The following EPB41L3 variants were observed in gnomAD, a reference collection of about 807,000 sequenced individuals.
EPB41L3 encodes the protein erythrocyte membrane protein band 4.1 like 3, also known as band 4.1-like protein 3.
A neutral mutation model predicts 127.1 loss-of-function variants in EPB41L3; 57 were observed. The ratio of observed to expected loss-of-function variants is 0.45; its 90% confidence interval spans 0.36 to 0.56. The LOEUF (loss-of-function observed/expected upper bound fraction) is 0.56. EPB41L3 is among the 20% of genes least tolerant of loss of function. The pLI is 0.00. For missense variants in EPB41L3, 1,273 were observed against 1,372.2 expected (o/e 0.93, Z 1.14); for synonymous variants, 572 against 549.5 (o/e 1.04, Z -0.57).
intron 3 of EPB41L3, among the ~76,000 whole-genome samples, chr18:5,459,469 TCTAA>T (rs1016616972): frequency 1.3e-5 from 2 of 152,208 alleles, no homozygotes; most frequent in African/African-American, 4.8e-5. Flanking sequence ...GTTTAAGTTT[TCTAA>T]CTGAGTGTTG....
chr18:5,524,459 T>C (rs2093142634), intron 1 of EPB41L3, among the ~76,000 whole-genome samples: 1 of 152,132 alleles, frequency 6.6e-6, no homozygotes, highest in Non-Finnish European at 1.5e-5. Flanking sequence ...CCTCCCAAAG[T>C]GCTGGGATTA....
rs924350092 is a variant in EPB41L3, at chr18:5,553,665, G to C, written c.-306+58675C>G. 3.8e-4 allele frequency among the ~76,000 whole-genome samples: 58 copies of C among 152,178 alleles called. 1 individual carries two copies. The highest frequency in any genetic ancestry group is 1.2e-4 in the Non-Finnish European group (8 of 68,030). Reference sequence around the variant, plus strand: ...TAGATCCCGCTGGCTCTACCTTCAGGACATACCCAGAATCAGCCACTTCTC... The same window carrying C: ...TAGATCCCGCTGGCTCTACCTTCAGCACATACCCAGAATCAGCCACTTCTC... On this transcript the variant is annotated intron_variant, in intron 3 of 21. Coordinates refer to the EPB41L3 transcript ENST00000545076.
At chr18:5,594,720 A>T (rs192776766) in intron 3 of EPB41L3, among the ~76,000 whole-genome samples, 1 of 152,342 alleles carries the variant, frequency 6.6e-6, no homozygotes, top group Non-Finnish European at 1.5e-5. Flanking sequence ...ATTTGGCAGT[A>T]CTGAAGCCTT....
chr18:5,462,238 T>G (rs551678072), intron 3 of EPB41L3, among the ~76,000 whole-genome samples: 34 of 152,338 alleles, frequency 2.2e-4, no homozygotes, highest in Admixed American at 2.0e-3. Flanking sequence ...CATCAGTCGG[T>G]CCTCATAAAC....
intron 3 of EPB41L3, among the ~76,000 whole-genome samples, chr18:5,451,327 T>C (rs902328091): frequency 1.3e-5 from 2 of 152,214 alleles, no homozygotes; most frequent in African/African-American, 4.8e-5. Context: ...TGTGTTTCAA[T>C]CCATCTCAGG....
chr18:5,475,825 G>A (rs2087076129), intron 3 of EPB41L3, among the ~76,000 whole-genome samples: 1 of 152,124 alleles, frequency 6.6e-6, no homozygotes, highest in African/African-American at 2.4e-5. Flanking sequence ...AAGCAATATA[G>A]GCTTTAAAGC....
chr18:5,448,288 C>T (rs1338315998), intron 3 of EPB41L3, among the ~76,000 whole-genome samples: 1 of 152,170 alleles, frequency 6.6e-6, no homozygotes, highest in African/African-American at 2.4e-5. Context: ...TGGGACATGA[C>T]ATGAAACTTA....
At chr18:5,470,182 C>A (rs537602673) in intron 3 of EPB41L3, among the ~76,000 whole-genome samples, 1 of 152,302 alleles carries the variant, frequency 6.6e-6, no homozygotes, top group South Asian at 2.1e-4. Flanking sequence ...CTGTTAGCTT[C>A]CCTGTGCCTA....
chr18:5,495,102 A>G (rs1414858635), intron 1 of EPB41L3, among the ~76,000 whole-genome samples: 2 of 152,178 alleles, frequency 1.3e-5, no homozygotes, highest in African/African-American at 4.8e-5. Context: ...AATATCTTCA[A>G]AAAGTTGACA....
intron 1 of EPB41L3, among the ~76,000 whole-genome samples, chr18:5,517,987 C>A (rs1479152431): frequency 6.6e-6 from 1 of 152,144 alleles, no homozygotes; most frequent in African/African-American, 2.4e-5. Context: ...CGTCCTGGCT[C>A]TAGATATTGT....
chr18:5,446,386 A>AT (rs1194698500), intron 3 of EPB41L3, among the ~76,000 whole-genome samples: 7 of 152,224 alleles, frequency 4.6e-5, no homozygotes, highest in African/African-American at 1.4e-4. Context: ...GTGACGTATC[A>AT]TTTTTTCACC....
At chr18:5,600,929 C>T (rs900805556) in intron 3 of EPB41L3, among the ~76,000 whole-genome samples, 18 of 152,120 alleles carry the variant, frequency 1.2e-4, no homozygotes, top group Non-Finnish European at 1.9e-4. Context: ...ATGTTTTAAC[C>T]GTGTTAATGC....
chr18:5,431,338 G>A (rs1293487232), intron 8 of EPB41L3: 1 of 152,218 alleles, frequency 6.6e-6, no homozygotes, highest in Non-Finnish European at 1.5e-5. Context: ...CCGGAGATTA[G>A]TTCCAATTTG....
At chr18:5,534,095 G>A (rs1262443442) in intron 1 of EPB41L3, among the ~76,000 whole-genome samples, 2 of 152,174 alleles carry the variant, frequency 1.3e-5, no homozygotes, top group African/African-American at 4.8e-5. Context: ...CCTGGGAGGC[G>A]GAGCTGGCAG....
At chr18:5,614,670 C>G (rs2094771247) in intron 1 of EPB41L3, among the ~76,000 whole-genome samples, 1 of 136,640 alleles carries the variant, frequency 7.3e-6, no homozygotes, top group Non-Finnish European at 1.7e-5. Context: ...TCCCCTGATT[C>G]TTAGGAAAAA....
chr18:5,438,922 C>T (rs115647846), intron 5 of EPB41L3, among the ~76,000 whole-genome samples: 4,719 of 152,302 alleles, frequency 0.031, 238 homozygotes, highest in African/African-American at 0.11. Flanking sequence ...CTAAGCTCCA[C>T]ATCTCATTAA....
intron 12 of EPB41L3, among the ~76,000 whole-genome samples, chr18:5,419,129 T>C (rs1254998725): frequency 6.6e-6 from 1 of 152,222 alleles, no homozygotes; most frequent in Non-Finnish European, 1.5e-5. Context: ...GTTACAAAGT[T>C]TAATGAATTC....
intron 3 of EPB41L3, among the ~76,000 whole-genome samples, chr18:5,611,512 G>T (rs1237511203): frequency 6.6e-6 from 1 of 152,174 alleles, no homozygotes; most frequent in Non-Finnish European, 1.5e-5. Context: ...TTTCAGTTTC[G>T]CAAGATGAAG....
At chr18:5,610,981 A>G (rs995452071) in intron 3 of EPB41L3, among the ~76,000 whole-genome samples, 4 of 152,206 alleles carry the variant, frequency 2.6e-5, no homozygotes, top group Admixed American at 6.5e-5. Flanking sequence ...GCTTTCATGT[A>G]AAATAGCTCA....
Sources: gnomAD v4.1 joint callset for allele counts (sites outside exome capture counted in the v4.1 genomes callset) on GRCh38, gnomAD v4.1.1 for gene constraint, MANE v1.5 for transcripts, NCBI Gene and HGNC (gene_info 2026-07-23, HGNC 2026-07-21) for gene names.